PCDHA4: variants seen among roughly 807,000 people sequenced by gnomAD.
PCDHA4 encodes the protein protocadherin alpha 4.
PCDHA4 carries 49 observed loss-of-function variants against 61.4 expected under a neutral mutation model. The ratio of observed to expected loss-of-function variants is 0.80; its 90% CI spans 0.63 to 1.01. PCDHA4 has a LOEUF of 1.01. Among genes scored for constraint, PCDHA4 ranks in the 50% least tolerant of loss-of-function variants. The pLI is 0.00. For missense variants in PCDHA4, 1,254 were observed against 1,235.8 expected, an observed-to-expected ratio of 1.01 and a Z score of -0.22; for synonymous variants, 590 against 550.3, an observed-to-expected ratio of 1.07 and a Z score of -1.01.
At chr5:140,967,869 C>A in intron 1 of PCDHA4, 1 of 1,614,160 alleles carries the variant, frequency 6.2e-7, no homozygotes, top group South Asian at 1.1e-5. Flanking sequence ...GTGGTGCTCA[C>A]GGACCTGTAT....
chr5:140,920,847 A>G (rs1410435400), intron 1 of PCDHA4, among the ~76,000 whole-genome samples: 1 of 152,028 alleles, frequency 6.6e-6, no homozygotes, highest in Non-Finnish European at 1.5e-5. Flanking sequence ...AATCTAAAAA[A>G]AAAAAAAAAA....
intron 1 of PCDHA4, among the ~76,000 whole-genome samples, chr5:140,941,877 A>T (rs1554214743): frequency 1.3e-5 from 2 of 152,224 alleles, no homozygotes; most frequent in Non-Finnish European, 2.9e-5. Flanking sequence ...TTCTATCACC[A>T]GTGACTAGCA....
chr5:140,850,943 T>G lies in PCDHA4; in HGVS notation c.2385+41371T>G, dbSNP rs2150503194. On this transcript the variant is annotated intron_variant, in intron 1 of 3. Coordinates refer to ENST00000530339, the MANE Select transcript of PCDHA4 (RefSeq NM_018907.4). The stretch of plus-strand genomic sequence containing the variant: ...ATATAATTTTTTTTCTTGAAAGATA[T>G]TATCGATTACTCCCAGGGGCCGTTC... 7.3e-6 allele frequency: 11 copies of G among 1,506,780 alleles called. 2 individuals are homozygous for G. Among genetic ancestry groups the G allele is most frequent in the Non-Finnish European group, 8.9e-6 (10 of 1,121,750 alleles). The allele number at this position is 1,506,780 out of a possible 1,614,324, so 93.3% of individuals were successfully genotyped here.
intron 1 of PCDHA4, chr5:140,869,763 A>G: frequency 1.9e-6 from 3 of 1,613,302 alleles, no homozygotes; most frequent in Non-Finnish European, 2.5e-6. Flanking sequence ...GGGGAAAACC[A>G]GAGCTTACTG....
chr5:140,830,567 GTTTTTAA>G, intron 1 of PCDHA4: 1 of 951,116 alleles, frequency 1.1e-6, no homozygotes, highest in Non-Finnish European at 1.4e-6. Context: ...CTATATTTCT[GTTTTTAA>G]TTTTTAATTA....
At chr5:140,839,656 G>A (rs2150299542) in intron 1 of PCDHA4, among the ~76,000 whole-genome samples, 4 of 152,154 alleles carry the variant, frequency 2.6e-5, no homozygotes, top group Admixed American at 1.3e-4. Context: ...CAAATTGTTT[G>A]CTACTATTTA....
chr5:140,885,367 G>T (rs1476588272), intron 1 of PCDHA4, among the ~76,000 whole-genome samples: 2 of 152,244 alleles, frequency 1.3e-5, no homozygotes, highest in African/African-American at 4.8e-5. Flanking sequence ...GTGACTGAAA[G>T]TACCTTTTGG....
rs781992926 is a variant in PCDHA4 at position 140,990,008 on chromosome 5, G to A, written c.2533+7445G>A. On this transcript the variant is annotated intron_variant, in intron 3 of 3. Coordinates refer to ENST00000530339, the MANE Select transcript of PCDHA4 (RefSeq NM_018907.4). ...CCTGAAATTGTCTATCTCCAAGGGCGTGGGCTAGGCAAAGGATGGGAGAAG... is the reference window on the plus strand; with the variant it reads ...CCTGAAATTGTCTATCTCCAAGGGCATGGGCTAGGCAAAGGATGGGAGAAG... Among the ~76,000 whole-genome samples the A allele has an allele frequency of 2.8e-4, 43 of 152,230 alleles. 1 individual carries two copies. The highest frequency in any genetic ancestry group is 9.1e-4 in the African/African-American group (38 of 41,532).
At chr5:140,842,812 G>A in intron 1 of PCDHA4, 1 of 1,594,038 alleles carries the variant, frequency 6.3e-7, no homozygotes, top group Non-Finnish European at 8.6e-7. Flanking sequence ...TTGTGGAGCG[G>A]CGGGTGGGCG....
intron 1 of PCDHA4, among the ~76,000 whole-genome samples, chr5:140,957,285 G>GT (rs1554222913): frequency 6.6e-6 from 1 of 152,144 alleles, no homozygotes; most frequent in Non-Finnish European, 1.5e-5. Flanking sequence ...CTTACCTGCA[G>GT]TTTCACTCTG....
At chr5:140,824,423 T>G in intron 1 of PCDHA4, 1 of 504,742 alleles carries the variant, frequency 2.0e-6, no homozygotes, top group Non-Finnish European at 3.5e-6. Flanking sequence ...TTTGGAGTCA[T>G]TCTCAAAGTT....
intron 1 of PCDHA4, chr5:140,850,650 A>C (rs2150492229): frequency 6.3e-7 from 1 of 1,598,426 alleles, no homozygotes; most frequent in East Asian, 2.2e-5. Flanking sequence ...GCTGCTGTAC[A>C]CTGTGCTGCG....
At chr5:140,857,029 A>C in intron 1 of PCDHA4, 1 of 1,596,504 alleles carries the variant, frequency 6.3e-7, no homozygotes, top group South Asian at 1.1e-5. Flanking sequence ...AGGGAAACCC[A>C]CCTATGGTTG....
chr5:140,847,399 C>T lies in PCDHA4; in HGVS notation c.2385+37827C>T, dbSNP rs114287755. On this transcript the variant is annotated intron_variant, in intron 1 of 3. Coordinates refer to ENST00000530339, the MANE Select transcript of PCDHA4 (RefSeq NM_018907.4). Reference sequence around the variant, plus strand: ...TAAATATGCAAAAACATTAATGGCACAATAAACACTCACGGTTTTGCCTTT... The same window carrying T: ...TAAATATGCAAAAACATTAATGGCATAATAAACACTCACGGTTTTGCCTTT... 2.4e-3 allele frequency: 361 copies of T among 149,562 alleles called. 12 individuals are homozygous for T. Among genetic ancestry groups the T allele is most frequent in the African/African-American group, 8.0e-3 (327 of 40,902 alleles). 9.3% of individuals were successfully genotyped at this position (149,562 alleles called of 1,614,324 possible).
chr5:140,870,845 C>T lies in PCDHA4; in HGVS notation c.2385+61273C>T, dbSNP rs782454963. ...GGAGGCGCAGTTAACAAGCTAGTAC[C>T]GCGGTCGGTGGGTGCGGGCCACGTG... On this transcript the variant is annotated intron_variant, in intron 1 of 3. Transcript: ENST00000530339. The T allele has an allele frequency of 5.0e-6, 8 of 1,613,718 alleles. No individual in the cohort carries two copies. The highest frequency in any genetic ancestry group is 6.8e-6 in the Non-Finnish European group (8 of 1,179,896).
intron 1 of PCDHA4, chr5:140,862,484 G>A (rs2047390468): frequency 2.6e-6 from 1 of 382,510 alleles, no homozygotes; most frequent in Non-Finnish European, 5.2e-6. Context: ...TCCATTGTTG[G>A]TAATCGCTCG....
At chr5:140,928,120 G>A (rs368067553) in intron 1 of PCDHA4, 5 of 1,614,062 alleles carry the variant, frequency 3.1e-6, no homozygotes, top group African/African-American at 1.3e-5. Context: ...GCAGATCAGT[G>A]AATACCAAGT....
chr5:140,835,623 G>T, intron 1 of PCDHA4: 2 of 1,613,888 alleles, frequency 1.2e-6, no homozygotes, highest in Non-Finnish European at 1.7e-6. Flanking sequence ...CAGCGCTCTG[G>T]ACCGCGAGAG....
At chr5:140,828,434 C>T in intron 1 of PCDHA4, 3 of 1,614,258 alleles carry the variant, frequency 1.9e-6, no homozygotes, top group South Asian at 2.2e-5. Context: ...CAGGCCGCTG[C>T]AGGTTTTCCA....
Sources: gnomAD v4.1 joint callset for allele counts (sites outside exome capture counted in the v4.1 genomes callset) on GRCh38, gnomAD v4.1.1 for gene constraint, MANE v1.5 for transcripts, NCBI Gene and HGNC (gene_info 2026-07-23, HGNC 2026-07-21) for gene names.